SMCHD1: variants seen among roughly 807,000 people sequenced by gnomAD.
SMCHD1 encodes structural maintenance of chromosomes flexible hinge domain-containing protein 1.
SMCHD1 carries 78 observed loss-of-function variants against 254.7 expected under a neutral mutation model. The observed-to-expected ratio is 0.31, with a 90% CI of 0.26 to 0.37. SMCHD1 has a LOEUF of 0.37. Among genes scored for constraint, SMCHD1 ranks in the 10% least tolerant of loss-of-function variants. The pLI is 1.00. For missense variants in SMCHD1, 1,840 were observed against 2,408.1 expected (o/e 0.76, Z 4.94); for synonymous variants, 766 against 794.9 (o/e 0.96, Z 0.61).
intron 44 of SMCHD1, among the ~76,000 whole-genome samples, chr18:2,783,919 T>A (rs1159419607): frequency 1.3e-5 from 2 of 152,184 alleles, no homozygotes; most frequent in African/African-American, 4.8e-5. Context: ...CATCCATGAC[T>A]TCAGTTTTTC....
At chr18:2,662,156 A>C (rs2073286133) in intron 1 of SMCHD1, among the ~76,000 whole-genome samples, 1 of 126,576 alleles carries the variant, frequency 7.9e-6, no homozygotes, top group Admixed American at 8.3e-5. Flanking sequence ...ACAGAGCGAG[A>C]CTCCGTCTCA....
chr18:2,760,603 C>T, intron 34 of SMCHD1, 49 bp from the exon 35 acceptor site: 1 of 1,019,458 alleles, frequency 9.8e-7, no homozygotes, highest in Non-Finnish European at 1.5e-6. Flanking sequence ...GAATTCCTTC[C>T]CCCTTTATAC....
At position 2,718,119 on chromosome 18, in the gene SMCHD1, T is replaced by C. The variant is rs1209264108; in HGVS notation, c.2261-39T>C. The C allele has an allele frequency of 2.0e-6, 3 of 1,496,590 alleles. No individual in the cohort carries two copies. Among genetic ancestry groups the C allele is most frequent in the Admixed American group, 3.8e-5 (2 of 52,028 alleles). The allele number at this position is 1,496,590 out of a possible 1,614,324, so 92.7% of individuals were successfully genotyped here. On this transcript the variant is annotated intron_variant, in intron 17 of 47. Coordinates refer to ENST00000320876, the MANE Select transcript of SMCHD1 (RefSeq NM_015295.3). The surrounding 1 kb of genome is among the most constrained non-coding windows in gnomAD (Gnocchi z 4.6). ...TGCGTATTTCATGTTTTACGTTGAA[T>C]TTCTCAAGACACTATTGTTTCTTTT...
intron 8 of SMCHD1, among the ~76,000 whole-genome samples, chr18:2,696,691 G>A (rs1343048546): frequency 6.6e-6 from 1 of 152,142 alleles, no homozygotes; most frequent in African/African-American, 2.4e-5. Context: ...GACTCTTGCT[G>A]TCTAGTTTAT....
In SMCHD1 at chr18:2,768,669, T is replaced by TGTACTATATACTATACTACTAGTATA. The variant is rs1009403252; in HGVS notation, c.4720-1006_4720-981dup. ...ATACAGTATATAGTATAGTATATAG[T>TGTACTATATACTATACTACTAGTATA]GTACTATATACTATACTACTAGTAT... On this transcript the variant is annotated intron_variant, in intron 37 of 47. Coordinates refer to ENST00000320876, the MANE Select transcript of SMCHD1 (RefSeq NM_015295.3). Among the ~76,000 whole-genome samples the TGTACTATATACTATACTACTAGTATA allele has an allele frequency of 6.0e-4, 68 of 113,348 alleles. 2 individuals carry two copies. The highest frequency in any genetic ancestry group is 2.3e-3 in the Admixed American group (23 of 10,006). The allele number at this position is 113,348 out of a possible 152,430, so 74.4% of individuals were successfully genotyped here.
intron 45 of SMCHD1, among the ~76,000 whole-genome samples, chr18:2,792,735 C>T (rs966695734): frequency 1.3e-5 from 2 of 152,074 alleles, no homozygotes; most frequent in African/African-American, 4.8e-5. Flanking sequence ...GTCAATATTT[C>T]AGTCAATTAT....
chr18:2,677,920 A>G (rs572273366), intron 5 of SMCHD1, among the ~76,000 whole-genome samples: 16 of 152,134 alleles, frequency 1.1e-4, no homozygotes, highest in South Asian at 2.1e-4. Context: ...CATCTGGCCA[A>G]TAGTTGTTAA....
intron 1 of SMCHD1, among the ~76,000 whole-genome samples, chr18:2,663,571 T>TA (rs2073354159): frequency 6.6e-6 from 1 of 152,206 alleles, no homozygotes; most frequent in Non-Finnish European, 1.5e-5. Context: ...CATGTTGAGA[T>TA]AACTAGTTGT....
At chr18:2,662,200 TAAAGAAAGAAAGAAAG>T (rs142598745) in intron 1 of SMCHD1, among the ~76,000 whole-genome samples, 16,784 of 105,170 alleles carry the variant, frequency 0.16, 1,376 homozygotes, top group South Asian at 0.21. Context: ...AATAAATAAA[TAAAGAAAGAAAGAAAG>T]AAAGAAAGAA....
At chr18:2,728,113 A>G (rs1373711236) in intron 22 of SMCHD1, among the ~76,000 whole-genome samples, 1 of 152,048 alleles carries the variant, frequency 6.6e-6, no homozygotes, top group Non-Finnish European at 1.5e-5. Context: ...AAGATTGGTA[A>G]ATAGTTTTAA....
chr18:2,757,240 T>C (rs1357961575), intron 34 of SMCHD1, among the ~76,000 whole-genome samples: 1 of 152,218 alleles, frequency 6.6e-6, no homozygotes, highest in Non-Finnish European at 1.5e-5. Context: ...AACCAGAGTG[T>C]CGCTCTTTCA....
chr18:2,789,070 A>G (rs1300997725), intron 45 of SMCHD1, among the ~76,000 whole-genome samples: 2 of 152,100 alleles, frequency 1.3e-5, no homozygotes, highest in Non-Finnish European at 2.9e-5. Context: ...CCCAGGCTGG[A>G]GTGCAGTGGC....
At chr18:2,680,329 C>G (rs138843210) in intron 5 of SMCHD1, among the ~76,000 whole-genome samples, 2 of 123,560 alleles carry the variant, frequency 1.6e-5, no homozygotes, top group Non-Finnish European at 3.5e-5. Flanking sequence ...AGACTTGTTG[C>G]ATCTGTTGTT....
At chr18:2,761,034 T>C (rs1319590634) in intron 35 of SMCHD1, among the ~76,000 whole-genome samples, 1 of 152,226 alleles carries the variant, frequency 6.6e-6, no homozygotes, top group Non-Finnish European at 1.5e-5. Flanking sequence ...GTAAAGTTGC[T>C]TATATCAACC....
At chr18:2,676,988 G>C (rs181930110) in intron 5 of SMCHD1, among the ~76,000 whole-genome samples, 1 of 151,880 alleles carries the variant, frequency 6.6e-6, no homozygotes, top group Non-Finnish European at 1.5e-5. Flanking sequence ...TGTCATGTTC[G>C]ATCTCCTTCA....
rs559819893 is a variant in SMCHD1, at chr18:2,712,838, A to G, written c.2260+4918A>G. ...TCACTCACCTGTTTTATATTATTTC[A>G]TCTTTAGTGGCCTAGGAAACTAGTC... On this transcript the variant is annotated intron_variant, in intron 17 of 47. Coordinates refer to ENST00000320876, the MANE Select transcript of SMCHD1 (RefSeq NM_015295.3). Among the ~76,000 whole-genome samples, 6 of 152,158 alleles carry G rather than the reference A, an allele frequency of 3.9e-5. No homozygotes were observed. The East Asian group carries it at 1.2e-3, about 29-fold the overall frequency.
intron 26 of SMCHD1, 151 bp from the exon 27 acceptor site, chr18:2,739,281 C>A: frequency 3.1e-6 from 2 of 639,388 alleles, no homozygotes; most frequent in Non-Finnish European, 5.5e-6. Flanking sequence ...GGATTAATAG[C>A]AGATTATATA....
chr18:2,791,545 T>C (rs2076166588), intron 45 of SMCHD1, among the ~76,000 whole-genome samples: 1 of 152,150 alleles, frequency 6.6e-6, no homozygotes, highest in African/African-American at 2.4e-5. Context: ...AGGCTCTGTC[T>C]CAAAAAAACA....
At chr18:2,710,094 A>G (rs942336582) in intron 17 of SMCHD1, among the ~76,000 whole-genome samples, 2 of 152,164 alleles carry the variant, frequency 1.3e-5, no homozygotes, top group African/African-American at 4.8e-5. Context: ...TTCTTTTTAT[A>G]TGGAAAACTT....
Sources: gnomAD v4.1 joint callset for allele counts (sites outside exome capture counted in the v4.1 genomes callset) on GRCh38, gnomAD v4.1.1 for gene constraint, Gnocchi (gnomAD v3.1) non-coding constraint, MANE v1.5 for transcripts, NCBI Gene and HGNC (gene_info 2026-07-23, HGNC 2026-07-21) for gene names.